Variants in ATP8A2 observed in about 807,000 individuals in gnomAD.
ATP8A2 encodes the protein ATPase phospholipid transporting 8A2, also known as phospholipid-transporting ATPase IB.
ATP8A2 carries 100 observed loss-of-function variants against 165.6 expected under a neutral mutation model. The observed-to-expected ratio is 0.60, with a 90% confidence interval of 0.51 to 0.71. ATP8A2 has a LOEUF of 0.71. Ranked by LOEUF, ATP8A2 falls within the 30% of genes least tolerant of loss-of-function variation. ATP8A2 has a pLI of 0.00. For synonymous variants in ATP8A2, 543 were observed against 548.8 expected (o/e 0.99, Z 0.15); for missense variants, 1,227 against 1,479.5 (o/e 0.83, Z 2.80).
chr13:25,609,534 G>GGGATTCAAATATATATATATCTATTT (rs2040604986), intron 24 of ATP8A2, among the ~76,000 whole-genome samples: 2 of 42,220 alleles, frequency 4.7e-5, no homozygotes, highest in Non-Finnish European at 1.4e-4. Context: ...ATATATATTT[G>GGGATTCAAATATATATATATCTATTT]GGATTCAAAT....
intron 25 of ATP8A2, among the ~76,000 whole-genome samples, chr13:25,760,567 T>C (rs1371058176): frequency 6.6e-6 from 1 of 152,190 alleles, no homozygotes; most frequent in Non-Finnish European, 1.5e-5. Flanking sequence ...TTAAAAGGAC[T>C]TGTAGAAGAA....
intron 2 of ATP8A2, among the ~76,000 whole-genome samples, chr13:25,502,965 C>G (rs1466850590): frequency 6.6e-6 from 1 of 152,098 alleles, no homozygotes; most frequent in Non-Finnish European, 1.5e-5. Context: ...GAGAAGAGAC[C>G]AGTTGGGGAA....
intron 24 of ATP8A2, among the ~76,000 whole-genome samples, chr13:25,674,265 T>TC (rs111355454): frequency 0.035 from 5,338 of 151,284 alleles, 299 homozygotes; most frequent in African/African-American, 0.12. Flanking sequence ...TCCAGATGTG[T>TC]CCCCCCCCGA....
chr13:25,554,543 G>A (rs890240372), intron 12 of ATP8A2, among the ~76,000 whole-genome samples: 9 of 151,666 alleles, frequency 5.9e-5, no homozygotes, highest in East Asian at 1.9e-4. Flanking sequence ...GTGTGTGTGT[G>A]TGTGTGTGTG....
chr13:25,514,584 T>A (rs1182751249), intron 2 of ATP8A2, among the ~76,000 whole-genome samples: 1 of 152,192 alleles, frequency 6.6e-6, no homozygotes, highest in African/African-American at 2.4e-5. Flanking sequence ...AAGATTTTGG[T>A]GTAACCAGAA....
At chr13:25,683,020 C>G (rs1382866022) in intron 24 of ATP8A2, among the ~76,000 whole-genome samples, 1 of 152,124 alleles carries the variant, frequency 6.6e-6, no homozygotes, top group Non-Finnish European at 1.5e-5. Context: ...TAATGTAAAA[C>G]ATAAAACAAC....
At chr13:26,003,744 C>T (rs1956681856) in intron 35 of ATP8A2, among the ~76,000 whole-genome samples, 1 of 152,080 alleles carries the variant, frequency 6.6e-6, no homozygotes, top group African/African-American at 2.4e-5. Context: ...ATGTGAATAT[C>T]CAGTTTGCCA....
At chr13:25,687,140 T>G (rs1200991481) in intron 24 of ATP8A2, among the ~76,000 whole-genome samples, 2 of 151,824 alleles carry the variant, frequency 1.3e-5, no homozygotes, top group Non-Finnish European at 2.9e-5. Context: ...ATGAGCAGAG[T>G]GCTCTGGCCG....
intron 24 of ATP8A2, among the ~76,000 whole-genome samples, chr13:25,693,332 A>C (rs138657939): frequency 1.3e-5 from 2 of 152,076 alleles, no homozygotes; most frequent in African/African-American, 4.8e-5. Context: ...GTTCCACCAC[A>C]TGTGTGTGGT....
At chr13:25,864,704 A>G (rs1475794242) in intron 33 of ATP8A2, among the ~76,000 whole-genome samples, 2 of 152,230 alleles carry the variant, frequency 1.3e-5, no homozygotes, top group African/African-American at 4.8e-5. Context: ...GCAGATGATA[A>G]TGATGTGAAA....
chr13:25,746,882 T>C (rs1235200077), intron 25 of ATP8A2, among the ~76,000 whole-genome samples: 1 of 152,234 alleles, frequency 6.6e-6, no homozygotes, highest in African/African-American at 2.4e-5. Context: ...TTAAACATTG[T>C]GCTAGATTAT....
Position 25,372,883 on chromosome 13 carries a change from A to G in ATP8A2, c.76+595A>G, listed in dbSNP as rs530860542. On this transcript the variant is annotated intron_variant, in intron 1 of 36. Transcript: ENST00000381655. This position sits in a 1 kb window ranked among gnomAD's most constrained non-coding sequence, Gnocchi z 4.8. ...AACACACACACGCACACGCGCGCGC[A>G]CACACACACACAGGTACACACACAC... 2.8e-4 allele frequency among the ~76,000 whole-genome samples: 43 copies of G among 151,880 alleles called. No homozygotes were observed. The highest frequency in any genetic ancestry group is 8.2e-4 in the African/African-American group (34 of 41,474).
Position 25,530,115 on chromosome 13 carries a change from A to G in ATP8A2, c.321+17A>G, listed in dbSNP as rs1454894697. 5.5e-6 allele frequency: 8 copies of G among 1,463,750 alleles called. No individual in the cohort carries two copies. Among genetic ancestry groups the G allele is most frequent in the South Asian group, 1.2e-5 (1 of 85,366 alleles). 90.7% of individuals were successfully genotyped at this position (1,463,750 alleles called of 1,614,324 possible). A position where few individuals can be genotyped will look rare whatever the true frequency, so the allele number is the denominator to read the frequency against. On this transcript the variant is annotated intron_variant, in intron 3 of 36. Coordinates refer to ENST00000381655, the MANE Select transcript of ATP8A2 (RefSeq NM_016529.6). The stretch of plus-strand genomic sequence containing the variant: ...TTATTACAGGTAATGGTTTTTTAAC[A>G]GTTCCTTGGAATTCACTTAATTACA...
At chr13:25,561,812 C>T (rs1429537547) in intron 15 of ATP8A2, among the ~76,000 whole-genome samples, 1 of 152,184 alleles carries the variant, frequency 6.6e-6, no homozygotes, top group Non-Finnish European at 1.5e-5. Context: ...AACCACCATT[C>T]TGTTTTCTGT....
At chr13:25,745,473 G>A (rs4770874) in intron 25 of ATP8A2, among the ~76,000 whole-genome samples, 53,439 of 152,028 alleles carry the variant, frequency 0.35, 9,778 homozygotes, top group East Asian at 0.49. Context: ...TGGTTCCAAC[G>A]ACTGGACATG....
intron 35 of ATP8A2, among the ~76,000 whole-genome samples, chr13:25,983,325 A>G (rs1474866978): frequency 6.6e-6 from 1 of 152,216 alleles, no homozygotes; most frequent in Non-Finnish European, 1.5e-5. Context: ...CAGATAATAG[A>G]GCTAGCAGTA....
intron 1 of ATP8A2, among the ~76,000 whole-genome samples, chr13:25,447,605 G>A (rs935448526): frequency 6.6e-6 from 1 of 152,198 alleles, no homozygotes; most frequent in Non-Finnish European, 1.5e-5. Context: ...AACCTCTGGA[G>A]CACCAGAGGG....
At chr13:25,841,449 C>T (rs1385307109) in intron 30 of ATP8A2, among the ~76,000 whole-genome samples, 1 of 152,134 alleles carries the variant, frequency 6.6e-6, no homozygotes, top group Non-Finnish European at 1.5e-5. Context: ...AAACAATAAT[C>T]TATTGAGTGA....
chr13:25,497,958 T>C (rs1181300285), intron 2 of ATP8A2, among the ~76,000 whole-genome samples: 1 of 151,798 alleles, frequency 6.6e-6, no homozygotes, highest in Non-Finnish European at 1.5e-5. Context: ...AGAGATTCCG[T>C]CTCAAATAAT....
Sources: allele counts gnomAD v4.1 joint callset (sites outside exome capture counted in the v4.1 genomes callset), GRCh38; gene constraint gnomAD v4.1.1; non-coding constraint Gnocchi (gnomAD v3.1); transcripts MANE v1.5; gene names NCBI Gene and HGNC (gene_info 2026-07-23, HGNC 2026-07-21).